Variants in VRK2 observed in about 807,000 individuals in gnomAD.
VRK2 encodes the protein VRK serine/threonine kinase 2, also known as serine/threonine-protein kinase VRK2.
A neutral mutation model predicts 57.6 loss-of-function variants in VRK2; 60 were observed. The ratio of observed to expected loss-of-function variants is 1.04; its 90% CI spans 0.85 to 1.29. The LOEUF is 1.29. VRK2 is among the 50% of genes most tolerant of loss of function. The pLI, the probability that VRK2 is intolerant of heterozygous loss-of-function variation, is 0.00. For synonymous variants in VRK2, 231 were observed against 199.2 expected, an observed-to-expected ratio of 1.16 and a Z score of -1.35; for missense variants, 705 against 588.1, an observed-to-expected ratio of 1.20 and a Z score of -2.06.
At chr2:57,959,520 C>T (rs928076609) in intron 1 of VRK2, among the ~76,000 whole-genome samples, 4 of 152,128 alleles carry the variant, frequency 2.6e-5, no homozygotes, top group African/African-American at 9.7e-5. Context: ...CCCGAAGCTC[C>T]CTTGGAAAGC....
At chr2:57,917,623 G>A (rs1670200061) in intron 1 of VRK2, among the ~76,000 whole-genome samples, 1 of 150,486 alleles carries the variant, frequency 6.6e-6, no homozygotes, top group South Asian at 2.1e-4. Flanking sequence ...ATTTAGTTTG[G>A]GGTAATGGTA....
At chr2:58,116,608 C>T (rs35910730) in intron 7 of VRK2, among the ~76,000 whole-genome samples, 2,189 of 152,236 alleles carry the variant, frequency 0.014, 20 homozygotes, top group Non-Finnish European at 0.023. Flanking sequence ...GACTTACCCT[C>T]CACTCTGAGA....
intron 10 of VRK2, among the ~76,000 whole-genome samples, chr2:58,137,242 C>CATATATATG (rs1237246711): frequency 1.7e-5 from 2 of 119,030 alleles, no homozygotes; most frequent in African/African-American, 3.9e-5. Flanking sequence ...ACATATATAT[C>CATATATATG]ATATATATGA....
intron 10 of VRK2, among the ~76,000 whole-genome samples, chr2:58,139,144 C>A (rs890953278): frequency 6.6e-6 from 1 of 152,074 alleles, no homozygotes; most frequent in Non-Finnish European, 1.5e-5. Context: ...TTCATACATT[C>A]TAAATTCAAT....
chr2:58,134,617 C>CAAAA (rs70954875), intron 9 of VRK2, among the ~76,000 whole-genome samples: 5 of 73,062 alleles, frequency 6.8e-5, no homozygotes, highest in African/African-American at 8.9e-5. Flanking sequence ...GACTCCGTCT[C>CAAAA]AAAAAAAAAA....
chr2:58,045,031 G>C (rs1430291616), upstream of VRK2, among the ~76,000 whole-genome samples: 1 of 152,206 alleles, frequency 6.6e-6, no homozygotes, highest in Non-Finnish European at 1.5e-5. Flanking sequence ...ACTGTCAATA[G>C]TGCCCAGGTT....
intron 1 of VRK2, among the ~76,000 whole-genome samples, chr2:57,979,220 A>T (rs976762690): frequency 4.0e-5 from 6 of 151,094 alleles, no homozygotes; most frequent in African/African-American, 1.5e-4. Flanking sequence ...TTCTGGTTCT[A>T]GATCCTTGAG....
At chr2:58,057,286 T>C (rs1342676186) in intron 2 of VRK2, among the ~76,000 whole-genome samples, 2 of 152,164 alleles carry the variant, frequency 1.3e-5, no homozygotes, top group East Asian at 3.9e-4. Context: ...TGTAAGGCAC[T>C]GTACTTTCAG....
rs2056610 is a variant in VRK2, at chr2:58,107,664, A to G, written c.544-15437A>G. 9.1e-3 allele frequency among the ~76,000 whole-genome samples: 1,389 copies of G among 152,242 alleles called. 18 individuals are homozygous for G. The highest frequency in any genetic ancestry group is 0.014 in the Non-Finnish European group (958 of 68,012). Reference sequence around the variant, plus strand: ...TTTACTTAATATTGTTCTTCATAAGAGACCTCATTTTGAGAGCTGTGTATG... The same window carrying G: ...TTTACTTAATATTGTTCTTCATAAGGGACCTCATTTTGAGAGCTGTGTATG... On this transcript the variant is annotated intron_variant, in intron 7 of 12. Transcript: ENST00000340157.
intron 1 of VRK2, among the ~76,000 whole-genome samples, chr2:57,961,394 A>C (rs1057158319): frequency 3.3e-5 from 5 of 152,234 alleles, no homozygotes; most frequent in Non-Finnish European, 5.9e-5. Flanking sequence ...GAAAAAAGCG[A>C]GAACAGGATG....
Position 58,159,757 on chromosome 2 carries a change from T to G in VRK2, c.*64T>G, listed in dbSNP as rs779275069. On this transcript the variant is annotated 3_prime_UTR_variant, in exon 13 of 13. Transcript: ENST00000340157. ...TCCAGCTCTTCACCGAAATGTTGTATTCTTATTTCAGTGTTTCCTTCCAGA... is the reference window on the plus strand; with the variant it reads ...TCCAGCTCTTCACCGAAATGTTGTAGTCTTATTTCAGTGTTTCCTTCCAGA... 3.1e-6 allele frequency: 5 copies of G among 1,613,266 alleles called. No individual in the cohort carries two copies. Among genetic ancestry groups the G allele is most frequent in the Non-Finnish European group, 4.2e-6 (5 of 1,179,590 alleles).
At chr2:58,038,843 T>A (rs1674356618) in intron 3 of VRK2, among the ~76,000 whole-genome samples, 1 of 152,146 alleles carries the variant, frequency 6.6e-6, no homozygotes, top group Non-Finnish European at 1.5e-5. Context: ...TATGCAAGCC[T>A]CAACCACACA....
intron 7 of VRK2, among the ~76,000 whole-genome samples, chr2:58,113,241 G>A (rs923487362): frequency 7.3e-5 from 11 of 151,668 alleles, no homozygotes; most frequent in African/African-American, 2.4e-4. Flanking sequence ...CCCGGGAGGC[G>A]GAGGTTGCAG....
intron 7 of VRK2, among the ~76,000 whole-genome samples, chr2:58,108,285 T>C (rs998234027): frequency 2.4e-4 from 36 of 152,198 alleles, no homozygotes; most frequent in African/African-American, 8.4e-4. Context: ...GTCTCCCTTC[T>C]GCTCACCACT....
At chr2:58,040,757 T>C (rs1238200787) in intron 3 of VRK2, among the ~76,000 whole-genome samples, 1 of 152,156 alleles carries the variant, frequency 6.6e-6, no homozygotes, top group Non-Finnish European at 1.5e-5. Context: ...CAACAGTAGA[T>C]ACCAACCAAA....
rs748721845 is a variant in VRK2, at chr2:58,139,811, C to T, written c.1002C>T (p.Val334=). ...DFSTKGQSIN[V]HTPNSQKVDS... ...CCACAAAAGGACAGAGTATAAATGT[C>T]CATACTCCAAACAGTCAAAAAGTAA... Residue 334 remains valine, a synonymous_variant, in exon 11 of 13, where the codon GTC becomes GTT. Coordinates refer to ENST00000340157, the MANE Select transcript of VRK2 (RefSeq NM_006296.7). 3.7e-6 allele frequency: 6 copies of T among 1,611,624 alleles called. No homozygotes were observed. The highest frequency in any genetic ancestry group is 4.2e-6 in the Non-Finnish European group (5 of 1,178,698).
intron 11 of VRK2, among the ~76,000 whole-genome samples, chr2:58,141,687 G>A (rs1430841303): frequency 1.3e-5 from 2 of 151,792 alleles, no homozygotes; most frequent in African/African-American, 4.8e-5. Flanking sequence ...TAAGATATGG[G>A]CTCACCATAT....
intron 1 of VRK2, among the ~76,000 whole-genome samples, chr2:57,966,025 A>T (rs1010792015): frequency 6.6e-6 from 1 of 152,226 alleles, no homozygotes; most frequent in Non-Finnish European, 1.5e-5. Context: ...AAGCTTTAAC[A>T]TCTTAAACAG....
intron 1 of VRK2, among the ~76,000 whole-genome samples, chr2:57,962,444 G>A (rs1216247452): frequency 2.6e-5 from 4 of 151,762 alleles, no homozygotes; most frequent in South Asian, 2.1e-4. Context: ...TTTTAGGTTC[G>A]GGGTACATAT....
Sources: gnomAD v4.1 joint callset for allele counts (sites outside exome capture counted in the v4.1 genomes callset) on GRCh38, gnomAD v4.1.1 for gene constraint, MANE v1.5 for transcripts, NCBI Gene and HGNC (gene_info 2026-07-23, HGNC 2026-07-21) for gene names.